Variants in SYNE1 observed in about 807,000 individuals in gnomAD.
SYNE1 encodes spectrin repeat containing nuclear envelope protein 1.
Under a neutral mutation model 1,111.0 loss-of-function variants are expected in SYNE1, and 616 were observed. The observed-to-expected ratio is 0.55, with a 90% confidence interval of 0.52 to 0.59. The LOEUF (loss-of-function observed/expected upper bound fraction) is 0.59. SYNE1 is among the 20% of genes least tolerant of loss of function. SYNE1 has a pLI of 0.00. For synonymous variants in SYNE1, 3,855 were observed against 3,825.8 expected (o/e 1.01, Z -0.28); for missense variants, 10,006 against 10,417.0 (o/e 0.96, Z 1.72).
Position 152,329,873 on chromosome 6 carries a change from A to G in SYNE1, c.14812T>C (p.Leu4938=). 6.2e-7 allele frequency: 1 copy of G among 1,614,132 alleles called. No homozygotes were observed. Among genetic ancestry groups the G allele is most frequent in the Non-Finnish European group, 8.5e-7 (1 of 1,180,012 alleles). The change falls in exon 78 of 146, where the codon TTG becomes CTG. Residue 4938 remains leucine, a synonymous_variant. Transcript: ENST00000367255. ...TGACTCAGCGCATTCATGATTCTCA[A>G]GCTGGACTGGACCTCTTCCTGATGA... is the stretch of plus-strand genomic sequence containing the variant. ...QIHQEEVQSS[L]RIMNALSHKE... is the part of the protein sequence containing the mutation.
chr6:152,197,341 C>T (rs1436083628), intron 127 of SYNE1, among the ~76,000 whole-genome samples: 1 of 152,240 alleles, frequency 6.6e-6, no homozygotes, highest in African/African-American at 2.4e-5. Flanking sequence ...ACTCAGCCAT[C>T]TTGTTCTGCT....
chr6:152,259,676 G>A (rs58881797), intron 101 of SYNE1, among the ~76,000 whole-genome samples: 2,657 of 152,072 alleles, frequency 0.017, 74 homozygotes, highest in African/African-American at 0.062. Context: ...CGTTGTTAGC[G>A]ATGTTAACAC....
intron 130 of SYNE1, among the ~76,000 whole-genome samples, chr6:152,173,970 T>G (rs1331482502): frequency 6.6e-6 from 1 of 152,184 alleles, no homozygotes; most frequent in African/African-American, 2.4e-5. Flanking sequence ...TAAATGTGAA[T>G]TCAAGGAGAC....
intron 52 of SYNE1, among the ~76,000 whole-genome samples, 183 bp downstream of exon 52, chr6:152,391,094 C>T (rs921304485): frequency 1.3e-5 from 2 of 152,126 alleles, no homozygotes; most frequent in Non-Finnish European, 2.9e-5. Context: ...ATTAAAATAA[C>T]ATTTTCCTCT....
chr6:152,388,180 C>T (rs142419366), intron 53 of SYNE1, among the ~76,000 whole-genome samples: 63 of 152,136 alleles, frequency 4.1e-4, no homozygotes, highest in Non-Finnish European at 7.9e-4. Flanking sequence ...TCCATTGATC[C>T]ATTGGAACCT....
At position 152,122,516 on chromosome 6, in the gene SYNE1, A is replaced by G; in HGVS notation, c.26314T>C (p.Tyr8772His). ...AAGTTGTTGGAGAGGGCACAGCTGT[A>G]GTCTTCCTCTGACATTGGTACAAGG... ...ACLVPMSEED[Y>H]SCALSNNFAR... The change falls in exon 146 of 146, where the codon TAC (tyrosine) becomes CAC (histidine). Residue 8772 changes from tyrosine (Y) to histidine (H), a missense_variant. Physicochemically the swap from Tyr to His is moderately conservative, Grantham distance 83. Around this residue, in one of 7 missense-constraint regions of SYNE1, gnomAD observed 761 missense variants for 795.5 expected, o/e 0.96. Coordinates refer to ENST00000367255, the MANE Select transcript of SYNE1 (RefSeq NM_182961.4). 1.2e-6 allele frequency: 2 copies of G among 1,614,228 alleles called. No individual in the cohort carries two copies. Among genetic ancestry groups the G allele is most frequent in the Non-Finnish European group, 1.7e-6 (2 of 1,180,032 alleles).
chr6:152,323,822 T>C, intron 81 of SYNE1, 85 bp from the exon 82 acceptor site: 1 of 1,457,402 alleles, frequency 6.9e-7, no homozygotes, highest in Admixed American at 1.8e-5. Flanking sequence ...CACACACTAG[T>C]GTATGAAGCC....
chr6:152,404,140 G>A, intron 46 of SYNE1, 73 bp downstream of exon 46: 1 of 962,222 alleles, frequency 1.0e-6, no homozygotes, highest in Non-Finnish European at 1.7e-6. Context: ...CACACACAGA[G>A]ACAGAGAAAG....
In SYNE1 at chr6:152,318,274, A is replaced by G. The variant is rs765234446; in HGVS notation, c.16390-11T>C. The G allele has an allele frequency of 4.6e-5, 74 of 1,613,998 alleles. 1 individual carries two copies. In the Admixed American group the frequency reaches 1.2e-3, roughly 27 times the overall value. On this transcript the variant is annotated splice_polypyrimidine_tract_variant and intron_variant, in intron 85 of 145. Coordinates refer to ENST00000367255, the MANE Select transcript of SYNE1 (RefSeq NM_182961.4). Reference sequence around the variant, plus strand: ...TTCCTCTCCCAGCACCTTGATGGTCACCAAAATGAAAGAACATTAGAGTAC... The same window carrying G: ...TTCCTCTCCCAGCACCTTGATGGTCGCCAAAATGAAAGAACATTAGAGTAC...
intron 108 of SYNE1, among the ~76,000 whole-genome samples, chr6:152,237,378 T>C (rs2084428575): frequency 6.7e-6 from 1 of 149,544 alleles, no homozygotes; most frequent in Non-Finnish European, 1.5e-5. Context: ...GGCACAATCA[T>C]GGATCACTGT....
rs756846011 is a variant in SYNE1, at chr6:152,505,228, C to T, written c.751G>A (p.Gly251Arg). Residue 251 changes from glycine (G) to arginine (R), a missense_variant, in exon 9 of 146, where the codon GGG becomes AGG. Gly to Arg is a moderately radical substitution (Grantham distance 125). Coordinates refer to ENST00000367255, the MANE Select transcript of SYNE1 (RefSeq NM_182961.4). Reference protein sequence around the residue: ...DAFTIAETELGIPRLLDPEDV... With the variant: ...DAFTIAETELRIPRLLDPEDV... ...TCAGGATCTAGCAGTCTTGGGATCC[C>T]CAGTTCTGTTTCGGCGATAGTGAAA... The T allele has an allele frequency of 5.6e-6, 9 of 1,613,960 alleles. No homozygotes were observed. In the South Asian group the frequency reaches 9.9e-5, roughly 18 times the overall value.
In SYNE1 at chr6:152,596,820, C is replaced by T. The variant is rs1398153886; in HGVS notation, c.67+31445G>A. ...TTCCCTTCCTGTTGAATTTGACAGT[C>T]AAATACATTTGGCATTACAGACTTT... On this transcript the variant is annotated intron_variant, in intron 3 of 145. Transcript: ENST00000367255. 4.6e-5 allele frequency among the ~76,000 whole-genome samples: 7 copies of T among 152,284 alleles called. No homozygotes were observed. In the East Asian group the frequency reaches 1.4e-3, roughly 29 times the overall value.
chr6:152,125,352 C>T (rs2813563), intron 145 of SYNE1: 315,204 of 1,549,354 alleles, frequency 0.2, 32,878 homozygotes, highest in Non-Finnish European at 0.21. Context: ...TGTCTAAAGC[C>T]TCTGGTCATA....
In SYNE1 at chr6:152,122,219, T is replaced by G; in HGVS notation, c.*217A>C. ...TAAGGTTCAGAGTCTCAAACCAGAT[T>G]TCTTCCAAACCTTCTTGTTGTCTGT... On this transcript the variant is annotated 3_prime_UTR_variant, in exon 146 of 146. Coordinates refer to ENST00000367255, the MANE Select transcript of SYNE1 (RefSeq NM_182961.4). 1.4e-6 allele frequency: 1 copy of G among 706,252 alleles called. No individual in the cohort carries two copies. Among genetic ancestry groups the G allele is most frequent in the East Asian group, 2.9e-5 (1 of 35,064 alleles). The allele number at this position is 706,252 out of a possible 1,614,324, so 43.7% of individuals were successfully genotyped here.
intron 96 of SYNE1, among the ~76,000 whole-genome samples, chr6:152,282,942 T>A (rs2094119990): frequency 6.6e-6 from 1 of 152,162 alleles, no homozygotes; most frequent in Non-Finnish European, 1.5e-5. Flanking sequence ...TATGGTGTAA[T>A]TAGCAGCTAA....
intron 122 of SYNE1, among the ~76,000 whole-genome samples, chr6:152,213,962 A>G (rs942683383): frequency 6.6e-6 from 1 of 152,222 alleles, no homozygotes; most frequent in African/African-American, 2.4e-5. Context: ...ACACTTTGGG[A>G]GACTGAGGTG....
chr6:152,630,129 T>TAAA (rs543594194), intron 2 of SYNE1, among the ~76,000 whole-genome samples: 1 of 138,740 alleles, frequency 7.2e-6, no homozygotes, highest in Non-Finnish European at 1.6e-5. Flanking sequence ...GCCTATTATC[T>TAAA]AAAAAAAAAA....
intron 4 of SYNE1, among the ~76,000 whole-genome samples, chr6:152,526,716 G>A (rs750492609): frequency 2.0e-5 from 3 of 152,166 alleles, no homozygotes; most frequent in African/African-American, 7.2e-5. Context: ...CAATCTTCCT[G>A]TGGGTTAGTT....
At chr6:152,304,952 G>T (rs1389400944) in intron 91 of SYNE1, among the ~76,000 whole-genome samples, 2 of 152,200 alleles carry the variant, frequency 1.3e-5, no homozygotes, top group African/African-American at 2.4e-5. Context: ...GCTTCTGTAA[G>T]TGTAAACCTC....
Sources: gnomAD v4.1 joint callset for allele counts (sites outside exome capture counted in the v4.1 genomes callset) on GRCh38, gnomAD v4.1.1 for gene constraint, gnomAD v4.1.1 regional missense constraint, MANE v1.5 for transcripts, NCBI Gene and HGNC (gene_info 2026-07-23, HGNC 2026-07-21) for gene names.